AOPEP: variants seen among roughly 807,000 people sequenced by gnomAD.
AOPEP encodes aminopeptidase O (putative), also known as aminopeptidase O.
In AOPEP, 77 loss-of-function variants were observed where a neutral mutation model predicts 98.1. The ratio of observed to expected loss-of-function variants is 0.78; its 90% CI spans 0.65 to 0.95. The LOEUF (loss-of-function observed/expected upper bound fraction) is 0.95. Among genes scored for constraint, AOPEP ranks in the 40% least tolerant of loss-of-function variants. AOPEP has a pLI of 0.00. For synonymous variants in AOPEP, 346 were observed against 365.3 expected, an observed-to-expected ratio of 0.95 and a Z score of 0.60; for missense variants, 1,024 against 1,024.7, an observed-to-expected ratio of 1.00 and a Z score of 0.01.
At chr9:95,112,983 C>G in the AOPEP span, among the ~76,000 whole-genome samples, 3 of 152,156 alleles carry the variant, frequency 2.0e-5, no homozygotes, top group Admixed American at 6.6e-5. Flanking sequence ...CCCAGGGCAC[C>G]CACTGCACAA....
intron 1 of AOPEP, among the ~76,000 whole-genome samples, chr9:94,741,393 C>A (rs78658042): frequency 1.3e-5 from 2 of 152,008 alleles, no homozygotes; most frequent in Non-Finnish European, 2.9e-5. Flanking sequence ...CTGCTTCAGC[C>A]CCCCGAGTAG....
At chr9:94,885,881 G>T (rs997283168) in intron 5 of AOPEP, among the ~76,000 whole-genome samples, 1 of 152,138 alleles carries the variant, frequency 6.6e-6, no homozygotes, top group African/African-American at 2.4e-5. Context: ...AATTAATTTG[G>T]TTGTATATTT....
chr9:95,107,778 A>T, the AOPEP span, among the ~76,000 whole-genome samples: 1 of 152,188 alleles, frequency 6.6e-6, no homozygotes, highest in Non-Finnish European at 1.5e-5. Flanking sequence ...AAGCACGGTC[A>T]TACACACATG....
chr9:94,786,753 C>G (rs986716475), intron 3 of AOPEP, among the ~76,000 whole-genome samples: 1 of 152,166 alleles, frequency 6.6e-6, no homozygotes, highest in Non-Finnish European at 1.5e-5. Context: ...AGCGCTGGCT[C>G]CAGCATTCAA....
chr9:95,028,228 A>T (rs2064001275), intron 13 of AOPEP, among the ~76,000 whole-genome samples: 1 of 152,192 alleles, frequency 6.6e-6, no homozygotes, highest in Non-Finnish European at 1.5e-5. Flanking sequence ...ATTTACATCA[A>T]TTATTTTGGC....
chr9:95,125,050 C>T, the AOPEP span: 1 of 1,547,212 alleles, frequency 6.5e-7, no homozygotes, highest in East Asian at 2.2e-5. Flanking sequence ...GTCTTATTCT[C>T]TGGGATGAAT....
At chr9:94,745,437 G>A (rs538556199) in intron 1 of AOPEP, among the ~76,000 whole-genome samples, 3 of 151,964 alleles carry the variant, frequency 2.0e-5, no homozygotes, top group South Asian at 4.2e-4. Flanking sequence ...CACCATGCCC[G>A]GCTAATTTTT....
the AOPEP span, among the ~76,000 whole-genome samples, chr9:95,096,832 C>T: frequency 6.6e-6 from 1 of 152,234 alleles, no homozygotes; most frequent in Admixed American, 6.5e-5. Flanking sequence ...CCTGGCTGTT[C>T]ATGAACGTTT....
At chr9:94,781,222 T>C (rs1843167525) in intron 3 of AOPEP, among the ~76,000 whole-genome samples, 1 of 152,176 alleles carries the variant, frequency 6.6e-6, no homozygotes. Flanking sequence ...GATGTTATCC[T>C]GTGGCTTATT....
the AOPEP span, chr9:95,126,693 A>G: frequency 9.1e-7 from 1 of 1,100,126 alleles, no homozygotes; most frequent in Admixed American, 1.8e-5. Flanking sequence ...GAAAACTGGC[A>G]TACTCCTTTT....
intron 1 of AOPEP, among the ~76,000 whole-genome samples, chr9:94,745,601 A>G (rs1834303520): frequency 6.6e-6 from 1 of 152,148 alleles, no homozygotes; most frequent in Non-Finnish European, 1.5e-5. Flanking sequence ...GCTCCCACAG[A>G]TGAGTGAGAA....
intron 12 of AOPEP, 108 bp downstream of exon 12, chr9:95,005,328 G>T (rs1168376847): frequency 5.5e-6 from 4 of 725,726 alleles, no homozygotes; most frequent in Non-Finnish European, 7.5e-6. Context: ...GGGACTACCC[G>T]CCAGGCTCCG....
At position 94,751,707 on chromosome 9, in the gene AOPEP, A is replaced by G. The variant is rs1325179518; in HGVS notation, c.-135-7942A>G. 2.6e-5 allele frequency among the ~76,000 whole-genome samples: 4 copies of G among 151,746 alleles called. No homozygotes were observed. In the East Asian group the frequency reaches 7.7e-4, roughly 29 times the overall value. On this transcript the variant is annotated intron_variant, in intron 1 of 16. Coordinates refer to ENST00000375315, the MANE Select transcript of AOPEP (RefSeq NM_001193329.3). ...GGTAATCTATAGCTCTGGTGCCTCT[A>G]ATGTTATACAATGAAGAATACCCTA...
chr9:94,844,022 A>G (rs1401122617), intron 5 of AOPEP, among the ~76,000 whole-genome samples: 1 of 152,178 alleles, frequency 6.6e-6, no homozygotes, highest in Non-Finnish European at 1.5e-5. Context: ...CATGCCTGGC[A>G]TATCATTTAT....
At chr9:94,748,548 A>G (rs956199829) in intron 1 of AOPEP, among the ~76,000 whole-genome samples, 12 of 152,182 alleles carry the variant, frequency 7.9e-5, no homozygotes, top group Non-Finnish European at 1.3e-4. Context: ...TATATTTATT[A>G]AACTAAAAAT....
chr9:95,016,308 T>C (rs888158059), intron 13 of AOPEP, among the ~76,000 whole-genome samples: 8 of 147,852 alleles, frequency 5.4e-5, no homozygotes, highest in Non-Finnish European at 1.2e-4. Context: ...AGTGGCGCGA[T>C]CTTGGCCCAC....
Position 94,915,678 on chromosome 9 carries a change from CTTG to C in AOPEP, c.1365-8303_1365-8301del, listed in dbSNP as rs1304319918. On this transcript the variant is annotated intron_variant, in intron 5 of 16. Transcript: ENST00000375315. ...CAGTGCCTCTGTTGCGCTCAGGCCT[CTTG>C]TTGTACAGACCAGCCTTGCTACTTC... Among the ~76,000 whole-genome samples the C allele has an allele frequency of 5.3e-5, 8 of 152,340 alleles. No individual in the cohort carries two copies. The South Asian group carries it at 1.0e-3, about 20-fold the overall frequency.
chr9:94,802,299 A>G (rs1331377204), intron 5 of AOPEP, among the ~76,000 whole-genome samples: 1 of 152,066 alleles, frequency 6.6e-6, no homozygotes, highest in Non-Finnish European at 1.5e-5. Context: ...GGCCCTATTT[A>G]CTTGGGAGTT....
At chr9:95,138,034 C>T in the AOPEP span, among the ~76,000 whole-genome samples, 3 of 152,340 alleles carry the variant, frequency 2.0e-5, no homozygotes, top group East Asian at 3.9e-4. Context: ...ACGGGCAAGG[C>T]GCAGAGGAGT....
Sources: gnomAD v4.1 joint callset for allele counts (sites outside exome capture counted in the v4.1 genomes callset) on GRCh38, gnomAD v4.1.1 for gene constraint, MANE v1.5 for transcripts, NCBI Gene and HGNC (gene_info 2026-07-23, HGNC 2026-07-21) for gene names.